CD2AP: variants seen among roughly 807,000 people sequenced by gnomAD.
CD2AP encodes the protein CD2 associated protein, also known as CD2-associated protein.
Under a neutral mutation model 85.1 loss-of-function variants are expected in CD2AP, and 46 were observed. That is an observed-to-expected ratio of 0.54 (90% confidence interval 0.43 to 0.69). CD2AP has a LOEUF of 0.69. Among genes scored for constraint, CD2AP ranks in the 30% least tolerant of loss-of-function variants. The probability of loss-of-function intolerance (pLI) is 0.00; values close to 1 mark genes in which losing one functional copy is unlikely to be tolerated. For missense variants in CD2AP, 769 were observed against 729.5 expected (o/e 1.05, Z -0.62); for synonymous variants, 255 against 252.9 (o/e 1.01, Z -0.08).
At chr6:47,589,565 C>CACACACACACACATATATATATAT in intron 11 of CD2AP, among the ~76,000 whole-genome samples, 1 of 120,998 alleles carries the variant, frequency 8.3e-6, no homozygotes, top group South Asian at 3.0e-4. Flanking sequence ...CACACACACA[C>CACACACACACACATATATATATAT]ATATATATAT....
intron 13 of CD2AP, among the ~76,000 whole-genome samples, chr6:47,604,194 G>A (rs190321061): frequency 8.1e-4 from 124 of 152,158 alleles, no homozygotes; most frequent in Middle Eastern, 3.4e-3. Flanking sequence ...AATGATTGTC[G>A]TGCCTGTTAT....
rs1767787768 is a variant in CD2AP at position 47,559,336 on chromosome 6, T to C, written c.541+4570T>C. ...GTGCAGTAGCATGATCATAGCTCAC[T>C]ACAGCTTAACCTCCTGAGCTCAAGT... is the stretch of plus-strand genomic sequence containing the variant. On this transcript the variant is annotated intron_variant, in intron 5 of 17. Coordinates refer to ENST00000359314, the MANE Select transcript of CD2AP (RefSeq NM_012120.3). Among the ~76,000 whole-genome samples, 3 of 151,582 alleles carry C rather than the reference T, an allele frequency of 2.0e-5. No homozygotes were observed. In the South Asian group the frequency reaches 6.3e-4, roughly 32 times the overall value.
At chr6:47,484,885 G>C (rs567457995) in intron 1 of CD2AP, among the ~76,000 whole-genome samples, 58 of 152,232 alleles carry the variant, frequency 3.8e-4, no homozygotes, top group African/African-American at 1.4e-3. Context: ...CCTTAGGAAT[G>C]TTTTGGTCAA....
chr6:47,525,517 C>T (rs1007753959), intron 2 of CD2AP, among the ~76,000 whole-genome samples: 1 of 152,012 alleles, frequency 6.6e-6, no homozygotes, highest in African/African-American at 2.4e-5. Context: ...AAGTAAATTG[C>T]TTTCTATTTT....
intron 7 of CD2AP, 96 bp from the exon 8 acceptor site, chr6:47,576,913 A>G: frequency 1.3e-6 from 1 of 774,814 alleles, no homozygotes; most frequent in Non-Finnish European, 2.3e-6. Flanking sequence ...CATCTCTAAT[A>G]ACTTTTAGTA....
At chr6:47,492,347 C>CTTTTTT (rs70999626) in intron 1 of CD2AP, among the ~76,000 whole-genome samples, 5 of 95,518 alleles carry the variant, frequency 5.2e-5, no homozygotes, top group Non-Finnish European at 5.8e-5. Flanking sequence ...CACCTGTAAT[C>CTTTTTT]TTTTTTTTTT....
chr6:47,578,680 G>A (rs1164520568), intron 8 of CD2AP, among the ~76,000 whole-genome samples: 1 of 147,240 alleles, frequency 6.8e-6, no homozygotes, highest in East Asian at 2.0e-4. Context: ...TTGAGATGCA[G>A]TCTCGCTCTG....
At chr6:47,561,369 C>A (rs1767857081) in intron 5 of CD2AP, among the ~76,000 whole-genome samples, 2 of 152,128 alleles carry the variant, frequency 1.3e-5, no homozygotes, top group African/African-American at 4.8e-5. Flanking sequence ...GACATGTCTC[C>A]ATTATTTTCT....
chr6:47,566,795 C>T (rs777614355), intron 5 of CD2AP, among the ~76,000 whole-genome samples: 5 of 152,166 alleles, frequency 3.3e-5, no homozygotes, highest in Admixed American at 2.6e-4. Flanking sequence ...GATATGATCT[C>T]ATTCCTTTTT....
At chr6:47,589,049 G>T (rs1009551241) in intron 11 of CD2AP, among the ~76,000 whole-genome samples, 2 of 152,012 alleles carry the variant, frequency 1.3e-5, no homozygotes, top group African/African-American at 4.8e-5. Flanking sequence ...TGCAATTTAG[G>T]TTCTACTTTG....
intron 13 of CD2AP, among the ~76,000 whole-genome samples, chr6:47,603,112 T>C (rs1024495153): frequency 2.0e-5 from 3 of 152,042 alleles, no homozygotes; most frequent in African/African-American, 7.2e-5. Flanking sequence ...GAGTAGCATA[T>C]ACTATAAAAA....
At chr6:47,588,905 A>C (rs11970178) in intron 11 of CD2AP, among the ~76,000 whole-genome samples, 589 of 152,262 alleles carry the variant, frequency 3.9e-3, no homozygotes, top group Middle Eastern at 0.01. Flanking sequence ...CCTCTAGACC[A>C]ATGAAACTTA....
At chr6:47,603,364 A>G (rs1003838982) in intron 13 of CD2AP, among the ~76,000 whole-genome samples, 7 of 152,016 alleles carry the variant, frequency 4.6e-5, no homozygotes, top group Non-Finnish European at 8.8e-5. Context: ...TGTAATTTCT[A>G]TCATGGGCTA....
intron 11 of CD2AP, among the ~76,000 whole-genome samples, chr6:47,595,338 A>G (rs530806455): frequency 3.3e-5 from 5 of 152,190 alleles, no homozygotes; most frequent in South Asian, 4.1e-4. Flanking sequence ...ATATAAGCCT[A>G]TAATTCTCTC....
intron 1 of CD2AP, among the ~76,000 whole-genome samples, chr6:47,499,095 G>C (rs1271321802): frequency 6.6e-6 from 1 of 151,728 alleles, no homozygotes; most frequent in Non-Finnish European, 1.5e-5. Context: ...CATTTTTTTT[G>C]ATAACTTCCT....
At chr6:47,501,324 A>T (rs1228398295) in intron 1 of CD2AP, among the ~76,000 whole-genome samples, 1 of 152,236 alleles carries the variant, frequency 6.6e-6, no homozygotes, top group African/African-American at 2.4e-5. Flanking sequence ...CTATACATAG[A>T]CTATCTGTAG....
intron 11 of CD2AP, 142 bp from the exon 12 acceptor site, chr6:47,595,717 AAC>A: frequency 1.7e-6 from 1 of 583,568 alleles, no homozygotes; most frequent in Non-Finnish European, 3.0e-6. Context: ...AAATAAGTAA[AAC>A]AGTGCACATG....
At chr6:47,563,223 C>T (rs1419249986) in intron 5 of CD2AP, among the ~76,000 whole-genome samples, 1 of 152,162 alleles carries the variant, frequency 6.6e-6, no homozygotes, top group South Asian at 2.1e-4. Context: ...GCAAGTATCA[C>T]ATCTCTAGGG....
chr6:47,573,964 G>T, intron 5 of CD2AP, 100 bp from the exon 6 acceptor site: 2 of 1,034,368 alleles, frequency 1.9e-6, no homozygotes, highest in African/African-American at 1.6e-5. Flanking sequence ...TTTTTCTACT[G>T]TGTTTTATTA....
Sources: gnomAD v4.1 joint callset for allele counts (sites outside exome capture counted in the v4.1 genomes callset) on GRCh38, gnomAD v4.1.1 for gene constraint, MANE v1.5 for transcripts, NCBI Gene and HGNC (gene_info 2026-07-23, HGNC 2026-07-21) for gene names.